LRP5: variants seen among roughly 807,000 people sequenced by gnomAD.
The protein encoded by LRP5 is LDL receptor related protein 5.
A neutral mutation model predicts 154.1 loss-of-function variants in LRP5; 62 were observed. The ratio of observed to expected loss-of-function variants is 0.40; its 90% confidence interval spans 0.33 to 0.50. The LOEUF (loss-of-function observed/expected upper bound fraction) is 0.50, where lower values mean the gene tolerates loss of function less well. Among genes scored for constraint, LRP5 ranks in the 20% least tolerant of loss-of-function variants. LRP5 has a pLI of 0.55. For missense variants in LRP5, 1,915 were observed against 2,336.7 expected, an observed-to-expected ratio of 0.82 and a Z score of 3.72; for synonymous variants, 966 against 1,011.5, an observed-to-expected ratio of 0.96 and a Z score of 0.85.
In LRP5 at chr11:68,416,369, A is replaced by G; in HGVS notation, c.2869A>G (p.Ser957Gly). ...GCTGTTCAGCCAGAAATCTGCCATCAGTCGGATGATCCCGGACGACCAGCA... is the reference window on the plus strand; with the variant it reads ...GCTGTTCAGCCAGAAATCTGCCATCGGTCGGATGATCCCGGACGACCAGCA... Reference protein sequence around the residue: ...FLLFSQKSAISRMIPDDQHSP... With the variant: ...FLLFSQKSAIGRMIPDDQHSP... Residue 957 changes from serine (S) to glycine (G), a missense_variant, in exon 13 of 23, where the codon AGT becomes GGT. Ser to Gly is a moderately conservative substitution (Grantham distance 56). Around this residue, in one of 3 missense-constraint regions of LRP5, gnomAD observed 1,094 missense variants for 1,210.1 expected, o/e 0.90. Coordinates refer to ENST00000294304, the MANE Select transcript of LRP5 (RefSeq NM_002335.4). The G allele has an allele frequency of 6.2e-7, 1 of 1,614,170 alleles. No homozygotes were observed. The highest frequency in any genetic ancestry group is 1.6e-4 in the Middle Eastern group (1 of 6,062).
At chr11:68,381,241 A>G (rs1454335319) in intron 5 of LRP5, among the ~76,000 whole-genome samples, 1 of 152,040 alleles carries the variant, frequency 6.6e-6, no homozygotes, top group African/African-American at 2.4e-5. Context: ...AGACGTCTTG[A>G]CTTTTGATTG....
intron 1 of LRP5, among the ~76,000 whole-genome samples, chr11:68,335,818 C>T (rs1189582512): frequency 6.6e-6 from 1 of 152,194 alleles, no homozygotes; most frequent in Non-Finnish European, 1.5e-5. Flanking sequence ...CACTTGCTTA[C>T]ATCTCGACAG....
At position 68,386,800 on chromosome 11, in the gene LRP5, C is replaced by A; in HGVS notation, c.1412+88C>A. On this transcript the variant is annotated intron_variant, in intron 6 of 22. Transcript: ENST00000294304. The surrounding 1 kb of genome is among the most constrained non-coding windows in gnomAD (Gnocchi z 7.9). Reference sequence around the variant, plus strand: ...TTGACCTGGACCTGTCATTCTGGGACACTGTCTTGCATCAGAACCCGGAGG... The same window carrying A: ...TTGACCTGGACCTGTCATTCTGGGAAACTGTCTTGCATCAGAACCCGGAGG... 7.0e-7 allele frequency: 1 copy of A among 1,426,470 alleles called. No individual in the cohort carries two copies. Among genetic ancestry groups the A allele is most frequent in the Non-Finnish European group, 9.5e-7 (1 of 1,057,630 alleles). The allele number at this position is 1,426,470 out of a possible 1,614,324, so 88.4% of individuals were successfully genotyped here.
At chr11:68,389,370 A>T (rs1172700504) in intron 6 of LRP5, among the ~76,000 whole-genome samples, 7 of 152,116 alleles carry the variant, frequency 4.6e-5, no homozygotes, top group Non-Finnish European at 1.0e-4. Context: ...CGACACTAGC[A>T]TCTACTGACA....
chr11:68,437,724 C>T (rs187961392), intron 19 of LRP5, among the ~76,000 whole-genome samples: 1 of 152,214 alleles, frequency 6.6e-6, no homozygotes, highest in Non-Finnish European at 1.5e-5. Flanking sequence ...CCTTTGGCAC[C>T]TTCGTGCCAG....
At chr11:68,358,199 C>T (rs1207699429) in intron 3 of LRP5, among the ~76,000 whole-genome samples, 1 of 151,996 alleles carries the variant, frequency 6.6e-6, no homozygotes, top group East Asian at 1.9e-4. Context: ...CACTGCAGCC[C>T]CCACCTCCCA....
chr11:68,310,820 T>C (rs1317220665), upstream of LRP5, among the ~76,000 whole-genome samples: 4 of 136,352 alleles, frequency 2.9e-5, no homozygotes, highest in Non-Finnish European at 6.2e-5. Flanking sequence ...GAGGCAGGAG[T>C]GCACCTGGTG....
chr11:68,432,877 G>C (rs1047660046), intron 17 of LRP5, among the ~76,000 whole-genome samples: 2 of 152,226 alleles, frequency 1.3e-5, no homozygotes. Flanking sequence ...CACTGAGGAC[G>C]TGGAGCCCCG....
chr11:68,448,316 A>T (rs2098682548), intron 22 of LRP5, among the ~76,000 whole-genome samples: 1 of 152,062 alleles, frequency 6.6e-6, no homozygotes, highest in Non-Finnish European at 1.5e-5. Context: ...ACACAGCCAA[A>T]CCCTATCGGT....
At position 68,319,132 on chromosome 11, in the gene LRP5, G is replaced by A. The variant is rs1246153750; in HGVS notation, c.91+6327G>A. ...CTCACTCACGCCCAGGATGGAGTGC[G>A]GTGGCACGATCTCGGCTCACTGTAA... On this transcript the variant is annotated intron_variant, in intron 1 of 22. Coordinates refer to ENST00000294304, the MANE Select transcript of LRP5 (RefSeq NM_002335.4). 8.0e-5 allele frequency among the ~76,000 whole-genome samples: 12 copies of A among 150,404 alleles called. No homozygotes were observed. In the South Asian group the frequency reaches 1.5e-3, roughly 18 times the overall value.
chr11:68,396,399 CTG>C (rs2098649388), intron 7 of LRP5, among the ~76,000 whole-genome samples: 1 of 152,092 alleles, frequency 6.6e-6, no homozygotes, highest in African/African-American at 2.4e-5. Flanking sequence ...CGCAGCTGGG[CTG>C]TGTGGAGCTG....
intron 2 of LRP5, among the ~76,000 whole-genome samples, chr11:68,354,824 C>T (rs2098621823): frequency 6.6e-6 from 1 of 152,202 alleles, no homozygotes; most frequent in Non-Finnish European, 1.5e-5. Context: ...TCCCACCTTC[C>T]CTTTGTTGGT....
At chr11:68,364,978 G>A (rs1209990407) in intron 4 of LRP5, among the ~76,000 whole-genome samples, 4 of 152,208 alleles carry the variant, frequency 2.6e-5, no homozygotes, top group Non-Finnish European at 4.4e-5. Context: ...ATCGAGTTCC[G>A]TTCAATTGCT....
intron 8 of LRP5, chr11:68,404,285 G>A (rs536609655): frequency 5.0e-4 from 266 of 529,500 alleles, no homozygotes; most frequent in Non-Finnish European, 6.9e-4. Context: ...TGGGGCTCGC[G>A]GGCAGGGACT....
chr11:68,390,562 T>C (rs2098645711), intron 7 of LRP5, among the ~76,000 whole-genome samples: 1 of 152,284 alleles, frequency 6.6e-6, no homozygotes, highest in Admixed American at 6.5e-5. Context: ...TTTCCATAGA[T>C]GTCTGTTCTC....
In LRP5 at chr11:68,347,834, T is replaced by G; in HGVS notation, c.92-13T>G. ...TTAGCCAGTGGCCCTCACGGTTTGC[T>G]TCTGCCCCACAGCCTCGCCGCTCCT... On this transcript the variant is annotated splice_polypyrimidine_tract_variant and intron_variant, in intron 1 of 22. Coordinates refer to ENST00000294304, the MANE Select transcript of LRP5 (RefSeq NM_002335.4). 6.2e-7 allele frequency: 1 copy of G among 1,612,886 alleles called. No individual in the cohort carries two copies. Among genetic ancestry groups the G allele is most frequent in the Non-Finnish European group, 8.5e-7 (1 of 1,179,968 alleles).
intron 1 of LRP5, among the ~76,000 whole-genome samples, chr11:68,323,764 G>A (rs796411454): frequency 5.3e-5 from 8 of 152,292 alleles, no homozygotes; most frequent in African/African-American, 1.9e-4. Context: ...GTGACTGAGT[G>A]ATATTTTTAA....
chr11:68,394,215 G>C (rs2153157538), intron 7 of LRP5, among the ~76,000 whole-genome samples: 1 of 152,280 alleles, frequency 6.6e-6, no homozygotes, highest in South Asian at 2.1e-4. Flanking sequence ...GTCCAGACTG[G>C]AGTAGGACAG....
chr11:68,426,220 T>G, intron 16 of LRP5, 33 bp downstream of exon 16: 1 of 1,594,042 alleles, frequency 6.3e-7, no homozygotes, highest in Non-Finnish European at 8.5e-7. Flanking sequence ...GTGGGCAGGG[T>G]GGCCTCTAAA....
Sources: allele counts gnomAD v4.1 joint callset (sites outside exome capture counted in the v4.1 genomes callset), GRCh38; gene constraint gnomAD v4.1.1; regional missense constraint gnomAD v4.1.1; non-coding constraint Gnocchi (gnomAD v3.1); transcripts MANE v1.5; gene names NCBI Gene and HGNC (gene_info 2026-07-23, HGNC 2026-07-21).